The following PELI2 variants were observed in gnomAD, a reference collection of about 807,000 sequenced individuals.
PELI2 encodes E3 ubiquitin-protein ligase pellino homolog 2.
A neutral mutation model predicts 42.3 loss-of-function variants in PELI2; 23 were observed. That is an observed-to-expected ratio of 0.54 (90% CI 0.39 to 0.77). The LOEUF is 0.77. PELI2 is among the 30% of genes least tolerant of loss of function. PELI2 has a pLI of 0.00. For missense variants in PELI2, 463 were observed against 553.2 expected (o/e 0.84, Z 1.64); for synonymous variants, 245 against 212.2 (o/e 1.15, Z -1.34).
Position 56,124,982 on chromosome 14 carries a change from G to T in PELI2, c.77+6245G>T, listed in dbSNP as rs183233709. Among the ~76,000 whole-genome samples the T allele has an allele frequency of 3.1e-3, 475 of 152,288 alleles. 2 individuals are homozygous for T. Among genetic ancestry groups the T allele is most frequent in the Admixed American group, 6.5e-3 (99 of 15,298 alleles). Reference sequence around the variant, plus strand: ...TGGACTTTACCCTAAGAGCACAGGAGACTGTCTCAGGGTTTTGCTAGTATG... The same window carrying T: ...TGGACTTTACCCTAAGAGCACAGGATACTGTCTCAGGGTTTTGCTAGTATG... On this transcript the variant is annotated intron_variant, in intron 1 of 5. Transcript: ENST00000267460.
At chr14:56,237,414 A>G (rs1315127739) in intron 2 of PELI2, among the ~76,000 whole-genome samples, 1 of 152,088 alleles carries the variant, frequency 6.6e-6, no homozygotes, top group African/African-American at 2.4e-5. Context: ...ATCCCATTCT[A>G]CTCAGACAAC....
intron 2 of PELI2, among the ~76,000 whole-genome samples, chr14:56,233,264 A>G (rs1341532723): frequency 2.0e-5 from 3 of 152,228 alleles, no homozygotes; most frequent in Non-Finnish European, 2.9e-5. Context: ...TTTAAAGTTC[A>G]CATGGAACCG....
intron 1 of PELI2, among the ~76,000 whole-genome samples, chr14:56,146,155 C>G (rs1005293898): frequency 1.3e-5 from 2 of 152,144 alleles, no homozygotes; most frequent in Non-Finnish European, 2.9e-5. Context: ...GTTCCTAGTT[C>G]TGTGTCGGAA....
intron 2 of PELI2, among the ~76,000 whole-genome samples, chr14:56,269,504 A>G (rs1268465252): frequency 6.6e-6 from 1 of 152,194 alleles, no homozygotes; most frequent in Admixed American, 6.5e-5. Flanking sequence ...AAACACAATG[A>G]AAAAATCCAT....
chr14:56,171,059 G>A (rs1885151189), intron 1 of PELI2, among the ~76,000 whole-genome samples: 1 of 152,178 alleles, frequency 6.6e-6, no homozygotes, highest in South Asian at 2.1e-4. Context: ...TCTTTCATGG[G>A]ACAGTAACTT....
intron 2 of PELI2, among the ~76,000 whole-genome samples, chr14:56,242,415 A>G (rs940235847): frequency 9.2e-5 from 14 of 152,200 alleles, no homozygotes; most frequent in Admixed American, 5.9e-4. Flanking sequence ...AAGTCTCATC[A>G]TGTAAAATAG....
At chr14:56,159,350 G>C (rs1183807482) in intron 1 of PELI2, among the ~76,000 whole-genome samples, 1 of 152,168 alleles carries the variant, frequency 6.6e-6, no homozygotes, top group East Asian at 1.9e-4. Context: ...TTCTTCCTGT[G>C]GCCATGGCAG....
At chr14:56,289,221 T>G (rs1889745061) in intron 4 of PELI2, among the ~76,000 whole-genome samples, 1 of 152,180 alleles carries the variant, frequency 6.6e-6, no homozygotes, top group South Asian at 2.1e-4. Context: ...AATGTACTAT[T>G]CCCACATAAG....
chr14:56,195,876 G>A (rs1462803845), intron 2 of PELI2, among the ~76,000 whole-genome samples: 2 of 152,232 alleles, frequency 1.3e-5, no homozygotes, highest in African/African-American at 4.8e-5. Context: ...TGATTGGCAG[G>A]TGTGGTTTCA....
intron 2 of PELI2, among the ~76,000 whole-genome samples, chr14:56,200,474 C>G (rs7141949): frequency 0.18 from 27,951 of 152,114 alleles, 4,645 homozygotes; most frequent in African/African-American, 0.44. Context: ...GCCGGAGCTT[C>G]CTTTCATAAC....
chr14:56,255,050 A>C (rs928001238), intron 2 of PELI2, among the ~76,000 whole-genome samples: 1 of 152,210 alleles, frequency 6.6e-6, no homozygotes, highest in Non-Finnish European at 1.5e-5. Flanking sequence ...AGTGTAAATT[A>C]GTTCAATCAT....
chr14:56,280,226 G>C (rs1034599035), intron 3 of PELI2, among the ~76,000 whole-genome samples: 1 of 152,058 alleles, frequency 6.6e-6, no homozygotes, highest in Non-Finnish European at 1.5e-5. Context: ...TTATTAAGAG[G>C]AGGGAAAGAG....
chr14:56,263,085 T>C (rs1888773286), intron 2 of PELI2, among the ~76,000 whole-genome samples: 2 of 152,086 alleles, frequency 1.3e-5, no homozygotes, highest in Admixed American at 1.3e-4. Context: ...GCCTCCCAAG[T>C]AGCTGGGATT....
At chr14:56,207,534 A>T (rs1330295877) in intron 2 of PELI2, among the ~76,000 whole-genome samples, 1 of 152,220 alleles carries the variant, frequency 6.6e-6, no homozygotes. Context: ...ACTTTCTAGC[A>T]TGTTCATTTT....
At chr14:56,292,401 C>G (rs1162148762) in intron 5 of PELI2, among the ~76,000 whole-genome samples, 1 of 152,182 alleles carries the variant, frequency 6.6e-6, no homozygotes, top group African/African-American at 2.4e-5. Flanking sequence ...CTTACTGACT[C>G]TTTGAACTTC....
At chr14:56,196,533 C>G (rs983204396) in intron 2 of PELI2, among the ~76,000 whole-genome samples, 16 of 152,334 alleles carry the variant, frequency 1.1e-4, no homozygotes, top group African/African-American at 3.8e-4. Context: ...AATCTGCAAC[C>G]TCTTGCTTTT....
intron 2 of PELI2, among the ~76,000 whole-genome samples, chr14:56,181,650 T>A (rs1885583953): frequency 6.6e-6 from 1 of 152,218 alleles, no homozygotes; most frequent in African/African-American, 2.4e-5. Context: ...AACAGGGATA[T>A]CCCTTTGCTG....
chr14:56,294,324 C>T (rs555263365), intron 5 of PELI2, among the ~76,000 whole-genome samples: 4 of 152,116 alleles, frequency 2.6e-5, no homozygotes, highest in Admixed American at 1.3e-4. Flanking sequence ...TGCTCTTGCA[C>T]CTGCCTGTGG....
In PELI2 at chr14:56,255,288, A is replaced by G. The variant is rs564494114; in HGVS notation, c.208-24388A>G. On this transcript the variant is annotated intron_variant, in intron 2 of 5. Coordinates refer to ENST00000267460, the MANE Select transcript of PELI2 (RefSeq NM_021255.3). ...AAAGAAAATGTGGCACATATACACC[A>G]TAGAATACTATGCAGCCATAGAAAA... 2.0e-5 allele frequency among the ~76,000 whole-genome samples: 3 copies of G among 152,358 alleles called. No homozygotes were observed. In the South Asian group the frequency reaches 6.2e-4, roughly 32 times the overall value.
Sources: allele counts gnomAD v4.1 joint callset (sites outside exome capture counted in the v4.1 genomes callset), GRCh38; gene constraint gnomAD v4.1.1; transcripts MANE v1.5; gene names NCBI Gene and HGNC (gene_info 2026-07-23, HGNC 2026-07-21).